The following NPIPA9 variants were observed in gnomAD, a reference collection of about 807,000 sequenced individuals.
NPIPA9 encodes the protein nuclear pore complex interacting protein family member A9, also known as nuclear pore complex-interacting protein family member A9.
Position 18,375,187 on chromosome 16 carries a change from G to C in NPIPA9, c.-307-118C>G. 7.5e-6 allele frequency: 4 copies of C among 532,332 alleles called. 1 individual carries two copies. The highest frequency in any genetic ancestry group is 6.6e-6 in the Non-Finnish European group (2 of 305,162). The allele number at this position is 532,332 out of a possible 1,614,324, so 33.0% of individuals were successfully genotyped here. ...CGGTGCCATCTGACAGAATGTCCTA[G>C]AATGCTAGATATATGGGACATCTGC... On this transcript the variant is annotated intron_variant, in intron 1 of 9. Transcript: ENST00000427999.
intron 4 of NPIPA9, among the ~76,000 whole-genome samples, chr16:18,364,966 CACA>C (rs199714612): frequency 0.15 from 16,360 of 110,984 alleles, 248 homozygotes; most frequent in African/African-American, 0.24. Context: ...CACACACACA[CACA>C]ACACAACACA....
chr16:18,364,712 G>T, intron 4 of NPIPA9, 78 bp from the exon 5 acceptor site: 1 of 27,088 alleles, frequency 3.7e-5, no homozygotes, highest in South Asian at 8.5e-4. Flanking sequence ...GGAGGCCGAG[G>T]CAGGGTGGAT....
rs1355342175 is a variant in NPIPA9, at chr16:18,371,529, C to T, written c.63+1194G>A. Reference sequence around the variant, plus strand: ...AATGACATTTCACTTTGTTTTGGTCCGTTTTGTTTGTTAGAGACAAGAGTG... The same window carrying T: ...AATGACATTTCACTTTGTTTTGGTCTGTTTTGTTTGTTAGAGACAAGAGTG... On this transcript the variant is annotated intron_variant, in intron 3 of 9. Coordinates refer to ENST00000427999, the Ensembl canonical transcript of NPIPA9. Among the ~76,000 whole-genome samples, 5 of 122,164 alleles carry T rather than the reference C, an allele frequency of 4.1e-5. No individual in the cohort carries two copies. The Admixed American group carries it at 4.4e-4, about 11-fold the overall frequency. The allele number at this position is 122,164 out of a possible 152,430, so 80.1% of individuals were successfully genotyped here. A position where few individuals can be genotyped will look rare whatever the true frequency, so the allele number is the denominator to read the frequency against.
rs565257110 is a variant in NPIPA9, at chr16:18,375,163, G to A, written c.-307-94C>T. 384 of 537,714 alleles carry A rather than the reference G, an allele frequency of 7.1e-4. 92 individuals carry two copies. The highest frequency in any genetic ancestry group is 5.4e-3 in the East Asian group (167 of 30,796). 33.3% of individuals were successfully genotyped at this position (537,714 alleles called of 1,614,324 possible). Reference sequence around the variant, plus strand: ...CTCCTCAGCAGACAGGACAGAGCCCGGTGCCATCTGACAGAATGTCCTAGA... The same window carrying A: ...CTCCTCAGCAGACAGGACAGAGCCCAGTGCCATCTGACAGAATGTCCTAGA... On this transcript the variant is annotated intron_variant, in intron 1 of 9. Coordinates refer to ENST00000427999, the Ensembl canonical transcript of NPIPA9.
chr16:18,369,894 T>C (rs1180393791), intron 3 of NPIPA9, among the ~76,000 whole-genome samples: 1 of 144,148 alleles, frequency 6.9e-6, no homozygotes, highest in Non-Finnish European at 1.5e-5. Flanking sequence ...TCTTGGATTA[T>C]ATGAATCTTT....
chr16:18,364,707 C>A (rs1900483660), intron 4 of NPIPA9, 73 bp from the exon 5 acceptor site: 1 of 28,252 alleles, frequency 3.5e-5, no homozygotes. Context: ...CTTTGGGAGG[C>A]CGAGGCAGGG....
intron 3 of NPIPA9, chr16:18,371,408 T>G: frequency 5.7e-6 from 1 of 176,248 alleles, no homozygotes; most frequent in South Asian, 5.6e-5. Context: ...GCCGAGATCT[T>G]GCCACTGCAC....
chr16:18,364,974 A>ACC (rs1900489538), intron 4 of NPIPA9, among the ~76,000 whole-genome samples: 4 of 136,372 alleles, frequency 2.9e-5, no homozygotes. Context: ...CACACAACAC[A>ACC]ACACACAAGA....
At chr16:18,365,030 T>A (rs1900490730) in intron 4 of NPIPA9, among the ~76,000 whole-genome samples, 1 of 122,984 alleles carries the variant, frequency 8.1e-6, no homozygotes, top group African/African-American at 3.7e-5. Flanking sequence ...ATCCCAGCAC[T>A]TTGGGAGGCC....
At chr16:18,364,969 A>ACACAC (rs58690022) in intron 4 of NPIPA9, among the ~76,000 whole-genome samples, 32 of 119,606 alleles carry the variant, frequency 2.7e-4, no homozygotes, top group African/African-American at 7.5e-4. Flanking sequence ...ACACACACAC[A>ACACAC]ACACAACACA....
chr16:18,374,508 T>C lies in NPIPA9; in HGVS notation c.-70+324A>G. On this transcript the variant is annotated intron_variant, in intron 2 of 9. Transcript: ENST00000427999. ...GTTGGTTGTAAAAGGAGAGACCCAG[T>C]AAGTGGGGGTCATGCCGCAGATTGC... The C allele has an allele frequency of 3.4e-6, 3 of 881,522 alleles. 1 individual carries two copies. The South Asian group carries it at 4.9e-5, about 14-fold the overall frequency. 54.6% of individuals were successfully genotyped at this position (881,522 alleles called of 1,614,324 possible).
At chr16:18,372,145 A>G (rs1352717799) in intron 3 of NPIPA9, 3 of 38,690 alleles carry the variant, frequency 7.8e-5, no homozygotes, top group Admixed American at 3.8e-4. Flanking sequence ...GGGGGAGGGG[A>G]AGGGGAGGGG....
intron 3 of NPIPA9, among the ~76,000 whole-genome samples, chr16:18,369,971 A>G (rs1900518494): frequency 1.4e-5 from 2 of 146,724 alleles, no homozygotes; most frequent in South Asian, 2.1e-4. Context: ...TCATTCACAA[A>G]TAAGTATCGA....
chr16:18,365,274 CAAAAAAA>C (rs1208437581), intron 4 of NPIPA9, among the ~76,000 whole-genome samples: 6 of 37,460 alleles, frequency 1.6e-4, no homozygotes, highest in Admixed American at 3.5e-4. Flanking sequence ...AACTCTGTCT[CAAAAAAA>C]AAAAAAAAAA....
intron 3 of NPIPA9, among the ~76,000 whole-genome samples, chr16:18,370,041 C>T (rs1326559810): frequency 7.2e-6 from 1 of 138,072 alleles, no homozygotes; most frequent in Non-Finnish European, 1.6e-5. Flanking sequence ...CCTGCAATCC[C>T]AGCACTTTGG....
intron 4 of NPIPA9, among the ~76,000 whole-genome samples, chr16:18,365,119 A>T (rs1447705372): frequency 6.1e-4 from 50 of 81,586 alleles, no homozygotes; most frequent in African/African-American, 2.8e-3. Context: ...TGCTAAAAAT[A>T]CAAAATTAGC....
intron 3 of NPIPA9, among the ~76,000 whole-genome samples, chr16:18,371,463 A>C (rs1321522246): frequency 1.4e-5 from 2 of 141,080 alleles, no homozygotes; most frequent in Non-Finnish European, 3.1e-5. Context: ...AAAAAAAAAA[A>C]AAAAAAAAAA....
intron 6 of NPIPA9, among the ~76,000 whole-genome samples, chr16:18,363,719 A>G (rs1458007885): frequency 6.3e-5 from 1 of 15,910 alleles, no homozygotes; most frequent in Non-Finnish European, 1.1e-4. Flanking sequence ...CTCTAATCCC[A>G]GCACTTTGGG....
At chr16:18,370,335 T>C (rs1163569458) in intron 3 of NPIPA9, among the ~76,000 whole-genome samples, 5 of 122,400 alleles carry the variant, frequency 4.1e-5, no homozygotes, top group African/African-American at 1.2e-4. Flanking sequence ...ATCATGAAAA[T>C]GGCATGAATA....
Sources: gnomAD v4.1 joint callset for allele counts (sites outside exome capture counted in the v4.1 genomes callset) on GRCh38, gnomAD v4.1.1 for gene constraint, MANE v1.5 for transcripts, NCBI Gene and HGNC (gene_info 2026-07-23, HGNC 2026-07-21) for gene names.